MKNK1: variants seen among roughly 807,000 people sequenced by gnomAD.
MKNK1 encodes the protein MAPK interacting serine/threonine kinase 1.
Under a neutral mutation model 49.3 loss-of-function variants are expected in MKNK1, and 30 were observed. That is an observed-to-expected ratio of 0.61 (90% CI 0.46 to 0.83). MKNK1 has a LOEUF of 0.83. Among genes scored for constraint, MKNK1 ranks in the 40% least tolerant of loss-of-function variants. The pLI, the probability that MKNK1 is intolerant of heterozygous loss-of-function variation, is 0.00. For missense variants in MKNK1, 423 were observed against 524.7 expected, an observed-to-expected ratio of 0.81 and a Z score of 1.89; for synonymous variants, 176 against 201.7, an observed-to-expected ratio of 0.87 and a Z score of 1.08.
At chr1:46,583,590 C>G (rs1016242516) in intron 2 of MKNK1, among the ~76,000 whole-genome samples, 14 of 152,142 alleles carry the variant, frequency 9.2e-5, no homozygotes, top group Non-Finnish European at 2.1e-4. Flanking sequence ...CCTGCTTTAA[C>G]CAAGCTCATT....
chr1:46,595,530 C>G (rs1428877136), intron 1 of MKNK1, among the ~76,000 whole-genome samples: 1 of 152,166 alleles, frequency 6.6e-6, no homozygotes, highest in African/African-American at 2.4e-5. Context: ...CAGCATCTAA[C>G]ATAGTATCTG....
chr1:46,576,802 T>C (rs1209411745), intron 4 of MKNK1, 148 bp from the exon 5 acceptor site: 2 of 695,456 alleles, frequency 2.9e-6, no homozygotes, highest in Non-Finnish European at 5.1e-6. Context: ...ACACCGGCAC[T>C]GTGGCTCTGT....
rs1673059478 is a variant in MKNK1 at position 46,589,549 on chromosome 1, T to C, written c.-3+4564A>G. 6.6e-6 allele frequency among the ~76,000 whole-genome samples: 1 copy of C among 152,224 alleles called. No homozygotes were observed. Among genetic ancestry groups the C allele is most frequent in the Non-Finnish European group, 1.5e-5 (1 of 68,026 alleles). ...CTTGTTTTCTCCATTAAAATAGGAA[T>C]GCATGTTTCGTCTCTTTGTAAAACC... On this transcript the variant is annotated intron_variant, in intron 2 of 12. Transcript: ENST00000371945. This position sits in a 1 kb window ranked among gnomAD's most constrained non-coding sequence, Gnocchi z 4.3.
At chr1:46,594,033 C>T (rs779331416) in intron 2 of MKNK1, 80 bp downstream of exon 2, 138 of 1,136,368 alleles carry the variant, frequency 1.2e-4, no homozygotes, top group Admixed American at 2.5e-4. Flanking sequence ...GTCTCTTACC[C>T]GCCCTTTCCT....
At chr1:46,567,094 C>A (rs374070082) in intron 8 of MKNK1, among the ~76,000 whole-genome samples, 1 of 152,118 alleles carries the variant, frequency 6.6e-6, no homozygotes, top group Non-Finnish European at 1.5e-5. Context: ...GGCATGCAAC[C>A]GCTGTGACCA....
chr1:46,563,067 C>A, intron 9 of MKNK1: 2 of 488,046 alleles, frequency 4.1e-6, no homozygotes, highest in Non-Finnish European at 3.6e-6. Flanking sequence ...TTCAGGTCAC[C>A]TTATCCTTCC....
At chr1:46,578,584 CA>C (rs1462495568) in intron 4 of MKNK1, among the ~76,000 whole-genome samples, 2 of 144,208 alleles carry the variant, frequency 1.4e-5, no homozygotes, top group African/African-American at 2.8e-5. Flanking sequence ...ACAGATATAT[CA>C]ATTTTTTTTT....
chr1:46,594,874 C>G (rs1673847137), intron 1 of MKNK1: 1 of 415,758 alleles, frequency 2.4e-6, no homozygotes, highest in Admixed American at 2.7e-5. Context: ...ACACCTGTAG[C>G]TGCTTGGGAG....
At chr1:46,586,981 G>A (rs1445185777) in intron 2 of MKNK1, among the ~76,000 whole-genome samples, 1 of 152,130 alleles carries the variant, frequency 6.6e-6, no homozygotes, top group Non-Finnish European at 1.5e-5. Flanking sequence ...CTAATTTTTT[G>A]TACTTTTTAG....
At chr1:46,563,948 G>A (rs2148570549) in intron 9 of MKNK1, among the ~76,000 whole-genome samples, 1 of 149,066 alleles carries the variant, frequency 6.7e-6, no homozygotes, top group Non-Finnish European at 1.5e-5. Context: ...GGGAGGCTGA[G>A]GCAGGAGGAT....
chr1:46,578,587 T>A (rs1156310306), intron 4 of MKNK1, among the ~76,000 whole-genome samples: 2 of 86,096 alleles, frequency 2.3e-5, no homozygotes, highest in Admixed American at 1.1e-4. Context: ...GATATATCAA[T>A]TTTTTTTTTT....
At chr1:46,602,265 AG>A (rs1674833057) in intron 1 of MKNK1, among the ~76,000 whole-genome samples, 1 of 152,156 alleles carries the variant, frequency 6.6e-6, no homozygotes, top group Non-Finnish European at 1.5e-5. Flanking sequence ...TACAAAAATT[AG>A]CCGGGTGTGG....
intron 3 of MKNK1, among the ~76,000 whole-genome samples, chr1:46,581,699 G>A (rs1437926882): frequency 1.3e-5 from 2 of 152,058 alleles, no homozygotes; most frequent in African/African-American, 4.8e-5. Context: ...CCCATACATG[G>A]AAGTCATTGG....
intron 9 of MKNK1, 136 bp downstream of exon 9, chr1:46,564,905 C>T: frequency 1.2e-6 from 1 of 845,542 alleles, no homozygotes. Context: ...CACAGAGCAG[C>T]AAGCAAAATG....
chr1:46,593,797 C>T (rs977259400), intron 2 of MKNK1: 59 of 165,066 alleles, frequency 3.6e-4, no homozygotes, highest in Non-Finnish European at 6.2e-4. Context: ...CAGAGGTTGC[C>T]GTGAGCGGAG....
intron 2 of MKNK1, chr1:46,585,549 C>T (rs1672440652): frequency 1.0e-5 from 3 of 291,334 alleles, no homozygotes; most frequent in Non-Finnish European, 1.4e-5. Flanking sequence ...TCATCGGCAC[C>T]GCAGGCCCAG....
Position 46,560,187 on chromosome 1 carries a change from TGA to T in MKNK1, c.1013+45_1013+46del, listed in dbSNP as rs745342997. The T allele has an allele frequency of 8.7e-6, 14 of 1,608,658 alleles. No individual in the cohort carries two copies. The African/African-American group carries it at 1.7e-4, about 20-fold the overall frequency. On this transcript the variant is annotated intron_variant, in intron 12 of 12. Coordinates refer to ENST00000371945, the MANE Select transcript of MKNK1 (RefSeq NM_001135553.4). ...CCCCGGCCCCCACCCCCATGGTGGC[TGA>T]GAGCTTGAGGAAGAGCATGGCGTGG... is the stretch of plus-strand genomic sequence containing the variant.
At chr1:46,594,639 TG>T (rs1673811004) in intron 1 of MKNK1, among the ~76,000 whole-genome samples, 1 of 152,192 alleles carries the variant, frequency 6.6e-6, no homozygotes, top group African/African-American at 2.4e-5. Flanking sequence ...CCCAAAAAGA[TG>T]TAACTGGACC....
chr1:46,561,991 C>T (rs1295541597), intron 10 of MKNK1, among the ~76,000 whole-genome samples: 1 of 152,192 alleles, frequency 6.6e-6, no homozygotes, highest in Non-Finnish European at 1.5e-5. Context: ...TACTACTCCA[C>T]TCTTCCTTCC....
Sources: allele counts gnomAD v4.1 joint callset (sites outside exome capture counted in the v4.1 genomes callset), GRCh38; gene constraint gnomAD v4.1.1; non-coding constraint Gnocchi (gnomAD v3.1); transcripts MANE v1.5; gene names NCBI Gene and HGNC (gene_info 2026-07-23, HGNC 2026-07-21).